The following COL11A1 variants were observed in gnomAD, a reference collection of about 807,000 sequenced individuals.
COL11A1 encodes the protein collagen type XI alpha 1 chain.
COL11A1 carries 74 observed loss-of-function variants against 265.2 expected under a neutral mutation model. The observed-to-expected ratio is 0.28, with a 90% CI of 0.23 to 0.34. The LOEUF (loss-of-function observed/expected upper bound fraction) is 0.34, where lower values mean the gene tolerates loss of function less well. Ranked by LOEUF, COL11A1 falls within the 10% of genes least tolerant of loss-of-function variation. COL11A1 has a pLI of 1.00. For synonymous variants in COL11A1, 816 were observed against 727.6 expected (o/e 1.12, Z -1.96); for missense variants, 2,165 against 2,263.6 (o/e 0.96, Z 0.88).
At position 103,031,251 on chromosome 1, in the gene COL11A1, A is replaced by T; in HGVS notation, c.652-7T>A. On this transcript the variant is annotated splice_region_variant and splice_polypyrimidine_tract_variant and intron_variant, in intron 4 of 66. Coordinates refer to ENST00000370096, the MANE Select transcript of COL11A1 (RefSeq NM_001854.4). ...AAAACTGCTGAATGTCCCCCTGGGAAAAAAAAAAAAACAAAAACAAACAGA... is the reference window on the plus strand; with the variant it reads ...AAAACTGCTGAATGTCCCCCTGGGATAAAAAAAAAAACAAAAACAAACAGA... 1.8e-6 allele frequency: 1 copy of T among 560,612 alleles called. No homozygotes were observed. The highest frequency in any genetic ancestry group is 2.4e-6 in the Non-Finnish European group (1 of 421,480). 34.7% of individuals were successfully genotyped at this position (560,612 alleles called of 1,614,324 possible). A position where few individuals can be genotyped will look rare whatever the true frequency, so the allele number is the denominator to read the frequency against.
At chr1:102,884,966 A>T (rs1171547006) in intron 63 of COL11A1, among the ~76,000 whole-genome samples, 1 of 152,232 alleles carries the variant, frequency 6.6e-6, no homozygotes, top group Non-Finnish European at 1.5e-5. Context: ...TAAAGAAATT[A>T]AAACCCTTAT....
intron 31 of COL11A1, among the ~76,000 whole-genome samples, chr1:102,982,974 T>A (rs1006275895): frequency 3.9e-5 from 6 of 152,086 alleles, no homozygotes; most frequent in African/African-American, 1.4e-4. Context: ...TATAATCTCA[T>A]GTACATATAA....
At chr1:103,043,518 G>A (rs1345092510) in intron 4 of COL11A1, among the ~76,000 whole-genome samples, 5 of 151,920 alleles carry the variant, frequency 3.3e-5, no homozygotes, top group African/African-American at 1.2e-4. Context: ...TTCTCATAGT[G>A]AGTACTCAAT....
chr1:102,996,072 G>T (rs1317680283), intron 26 of COL11A1, 30 bp from the exon 27 acceptor site: 1 of 1,604,100 alleles, frequency 6.2e-7, no homozygotes, highest in Non-Finnish European at 8.5e-7. Context: ...ACTTATACGT[G>T]TAATAAATTG....
intron 54 of COL11A1, among the ~76,000 whole-genome samples, chr1:102,908,903 A>G (rs1192961521): frequency 2.0e-5 from 3 of 152,166 alleles, no homozygotes; most frequent in African/African-American, 7.2e-5. Context: ...GGCAGGAATG[A>G]GAGTAACATA....
rs769048388 is a variant in COL11A1 at position 102,898,891 on chromosome 1, T to C, written c.4140+50A>G. The C allele has an allele frequency of 1.1e-5, 13 of 1,148,100 alleles. No individual in the cohort carries two copies. The Admixed American group carries it at 1.8e-4, about 16-fold the overall frequency. 71.1% of individuals were successfully genotyped at this position (1,148,100 alleles called of 1,614,324 possible). ...CATGAAATTTTCAAATATAATACCT[T>C]GTATATATAATATATAATATATATT... On this transcript the variant is annotated intron_variant, in intron 55 of 66. Coordinates refer to ENST00000370096, the MANE Select transcript of COL11A1 (RefSeq NM_001854.4).
intron 28 of COL11A1, among the ~76,000 whole-genome samples, chr1:102,992,448 T>A (rs1489685150): frequency 6.6e-6 from 1 of 152,078 alleles, no homozygotes; most frequent in Non-Finnish European, 1.5e-5. Context: ...CACCTTTGGT[T>A]AACAATTAAC....
rs1038520334 is a variant in COL11A1, at chr1:102,908,564, G to C, written c.4086+3595C>G. Among the ~76,000 whole-genome samples, 3 of 151,974 alleles carry C rather than the reference G, an allele frequency of 2.0e-5. No homozygotes were observed. In the South Asian group the frequency reaches 6.2e-4, roughly 32 times the overall value. On this transcript the variant is annotated intron_variant, in intron 54 of 66. Coordinates refer to ENST00000370096, the MANE Select transcript of COL11A1 (RefSeq NM_001854.4). Reference sequence around the variant, plus strand: ...GAATTCTGTTAAATGAGCTAGATGAGGTATATTTAATCTTTTTCCATATAG... The same window carrying C: ...GAATTCTGTTAAATGAGCTAGATGACGTATATTTAATCTTTTTCCATATAG...
intron 42 of COL11A1, among the ~76,000 whole-genome samples, chr1:102,944,507 A>G (rs12143740): frequency 0.15 from 22,977 of 152,112 alleles, 2,083 homozygotes; most frequent in Middle Eastern, 0.24. Context: ...AGGATGGGGA[A>G]GCAAGGCATT....
chr1:103,018,847 C>T lies in COL11A1; in HGVS notation c.1321G>A (p.Glu441Lys), dbSNP rs995254814. ...PAVVEPGMLV[E>K]GPPGPAGPAG... Reference sequence around the variant, plus strand: ...GGTCCTGCTGGTCCTGGTGGTCCTTCGACAAGCATACCCTATAACAGGAAA... The same window carrying T: ...GGTCCTGCTGGTCCTGGTGGTCCTTTGACAAGCATACCCTATAACAGGAAA... Residue 441 changes from glutamate (E) to lysine (K), a missense_variant, in exon 10 of 67, where the codon GAA becomes AAA. Physicochemically the swap from Glu to Lys is moderately conservative, Grantham distance 56 (BLOSUM62 1). Transcript: ENST00000370096. The T allele has an allele frequency of 1.9e-5, 30 of 1,612,226 alleles. 1 individual carries two copies. Among genetic ancestry groups the T allele is most frequent in the South Asian group, 3.3e-5 (3 of 90,940 alleles).
chr1:103,011,613 A>T (rs1666134380), intron 14 of COL11A1, among the ~76,000 whole-genome samples: 1 of 152,094 alleles, frequency 6.6e-6, no homozygotes, highest in African/African-American at 2.4e-5. Context: ...TTTAAATTTG[A>T]ATACAATAGT....
chr1:102,994,792 C>T (rs969828209), intron 28 of COL11A1, among the ~76,000 whole-genome samples: 2 of 152,010 alleles, frequency 1.3e-5, no homozygotes, highest in Non-Finnish European at 2.9e-5. Flanking sequence ...TTTTACATTG[C>T]TATAAAGATA....
intron 42 of COL11A1, among the ~76,000 whole-genome samples, chr1:102,946,165 T>A (rs1365186281): frequency 9.0e-6 from 1 of 110,978 alleles, no homozygotes. Flanking sequence ...CATGACACTC[T>A]GGGGACTGTT....
At chr1:102,967,227 C>CTTTTTT (rs35303945) in intron 37 of COL11A1, among the ~76,000 whole-genome samples, 5,653 of 52,738 alleles carry the variant, frequency 0.11, 2,258 homozygotes, top group East Asian at 0.17. Flanking sequence ...ATAATAAATT[C>CTTTTTT]TTTTTTTTTT....
At chr1:102,990,032 A>G (rs1363818907) in intron 28 of COL11A1, among the ~76,000 whole-genome samples, 1 of 152,058 alleles carries the variant, frequency 6.6e-6, no homozygotes, top group Admixed American at 6.6e-5. Flanking sequence ...AAAAAATACA[A>G]AAATTAGCCA....
intron 1 of COL11A1, 97 bp from the exon 2 acceptor site, chr1:103,083,069 T>C: frequency 8.3e-7 from 1 of 1,197,856 alleles, no homozygotes. Flanking sequence ...TTTCATACCT[T>C]GAATCTATTT....
intron 43 of COL11A1, 61 bp from the exon 44 acceptor site, chr1:102,939,149 A>G: frequency 7.3e-7 from 1 of 1,370,222 alleles, no homozygotes. Flanking sequence ...TGTCTTAATT[A>G]TCATCAAACA....
chr1:102,886,166 A>T (rs1650945650), intron 63 of COL11A1, among the ~76,000 whole-genome samples: 1 of 152,192 alleles, frequency 6.6e-6, no homozygotes, highest in Non-Finnish European at 1.5e-5. Flanking sequence ...TAGTCAACTA[A>T]CTTAGCAACC....
intron 63 of COL11A1, among the ~76,000 whole-genome samples, chr1:102,886,227 A>T (rs1650954755): frequency 6.6e-6 from 1 of 152,126 alleles, no homozygotes. Flanking sequence ...TTTGTCAAAG[A>T]GTTGGTATGA....
Sources: allele counts gnomAD v4.1 joint callset (sites outside exome capture counted in the v4.1 genomes callset), GRCh38; gene constraint gnomAD v4.1.1; transcripts MANE v1.5; gene names NCBI Gene and HGNC (gene_info 2026-07-23, HGNC 2026-07-21).